The following RASAL2 variants were observed in gnomAD, a reference collection of about 807,000 sequenced individuals.
RASAL2 encodes ras GTPase-activating protein nGAP.
RASAL2 carries 58 observed loss-of-function variants against 128.9 expected under a neutral mutation model. That is an observed-to-expected ratio of 0.45 (90% CI 0.36 to 0.56). The LOEUF (loss-of-function observed/expected upper bound fraction) is 0.56, where lower values mean the gene tolerates loss of function less well. RASAL2 is among the 20% of genes least tolerant of loss of function. The probability of loss-of-function intolerance (pLI) is 0.00; values close to 1 mark genes in which losing one functional copy is unlikely to be tolerated. For synonymous variants in RASAL2, 561 were observed against 580.8 expected (o/e 0.97, Z 0.49); for missense variants, 1,360 against 1,601.6 (o/e 0.85, Z 2.57).
intron 1 of RASAL2, among the ~76,000 whole-genome samples, chr1:178,280,684 A>T (rs1436199627): frequency 6.6e-6 from 1 of 152,100 alleles, no homozygotes; most frequent in African/African-American, 2.4e-5. Context: ...TAATTTTTGT[A>T]ATGAGGCCAG....
chr1:178,416,339 T>A lies in RASAL2; in HGVS notation c.565-4172T>A, dbSNP rs76998815. Among the ~76,000 whole-genome samples, 841 of 152,204 alleles carry A rather than the reference T, an allele frequency of 5.5e-3. 11 individuals carry two copies. Among genetic ancestry groups the A allele is most frequent in the African/African-American group, 0.019 (786 of 41,572 alleles). On this transcript the variant is annotated intron_variant, in intron 4 of 17. Coordinates refer to ENST00000367649, the MANE Select transcript of RASAL2 (RefSeq NM_170692.4). The stretch of plus-strand genomic sequence containing the variant: ...CAACTTCGTAGATAGTATGAGTACC[T>A]TATAATAAAATAATCTTAATTCTTC...
intron 1 of RASAL2, chr1:178,123,295 G>T (rs1346395455): frequency 6.6e-6 from 1 of 152,218 alleles, no homozygotes; most frequent in Non-Finnish European, 1.5e-5. Flanking sequence ...TGAAGGCTGA[G>T]AGAGAACGAG....
chr1:178,358,176 C>T (rs1025425424), intron 3 of RASAL2, among the ~76,000 whole-genome samples: 5 of 131,328 alleles, frequency 3.8e-5, no homozygotes, highest in Non-Finnish European at 6.1e-5. Flanking sequence ...GCGGAGGTTG[C>T]AGTAAGCCGA....
intron 1 of RASAL2, among the ~76,000 whole-genome samples, chr1:178,132,549 T>C (rs1461555292): frequency 6.6e-6 from 1 of 152,192 alleles, no homozygotes; most frequent in African/African-American, 2.4e-5. Flanking sequence ...CCTGTAGTTA[T>C]ACAAAGTAGT....
At chr1:178,218,461 C>T (rs1018277375) in intron 1 of RASAL2, among the ~76,000 whole-genome samples, 12 of 152,144 alleles carry the variant, frequency 7.9e-5, no homozygotes, top group East Asian at 3.9e-4. Flanking sequence ...CCGAGGCGGG[C>T]GGATTACCTG....
chr1:178,364,900 G>T (rs10465514), intron 3 of RASAL2, among the ~76,000 whole-genome samples: 37,906 of 151,962 alleles, frequency 0.25, 7,523 homozygotes, highest in African/African-American at 0.55. Context: ...AGCTGTCACT[G>T]TATTTACTTT....
intron 15 of RASAL2, among the ~76,000 whole-genome samples, chr1:178,464,845 T>TTG (rs1558012358): frequency 3.4e-5 from 5 of 147,596 alleles, no homozygotes; most frequent in African/African-American, 1.3e-4. Context: ...TTTTTTTTTT[T>TTG]TTTTTTTTTT....
chr1:178,332,925 A>T (rs1482455350), intron 3 of RASAL2, among the ~76,000 whole-genome samples: 2 of 151,144 alleles, frequency 1.3e-5, no homozygotes, highest in Non-Finnish European at 3.0e-5. Context: ...TTCTTATACA[A>T]AGATATTCCT....
intron 1 of RASAL2, among the ~76,000 whole-genome samples, chr1:178,218,865 A>G (rs1272574228): frequency 6.6e-6 from 1 of 152,236 alleles, no homozygotes; most frequent in African/African-American, 2.4e-5. Flanking sequence ...TTAGCCCCTA[A>G]CAACAGAGTC....
intron 3 of RASAL2, among the ~76,000 whole-genome samples, chr1:178,379,236 C>G (rs1008050268): frequency 6.6e-6 from 1 of 152,048 alleles, no homozygotes; most frequent in African/African-American, 2.4e-5. Context: ...GAAACAGAGG[C>G]TAGACACAGT....
intron 8 of RASAL2, 129 bp from the exon 9 acceptor site, chr1:178,445,388 TC>T: frequency 9.2e-7 from 1 of 1,091,050 alleles, no homozygotes; most frequent in Non-Finnish European, 1.3e-6. Context: ...TTGCTTTTTT[TC>T]CTTTCAGATG....
intron 8 of RASAL2, among the ~76,000 whole-genome samples, chr1:178,443,809 A>C (rs1452571787): frequency 6.6e-6 from 1 of 152,150 alleles, no homozygotes; most frequent in Non-Finnish European, 1.5e-5. Context: ...AAGGAGAAAT[A>C]TGCTGGTTGT....
intron 1 of RASAL2, among the ~76,000 whole-genome samples, chr1:178,206,772 G>A (rs1173588067): frequency 6.6e-6 from 1 of 151,988 alleles, no homozygotes; most frequent in Non-Finnish European, 1.5e-5. Context: ...TAAAAACAAA[G>A]CAAACAAATG....
chr1:178,397,141 A>G (rs1673288978), intron 4 of RASAL2, among the ~76,000 whole-genome samples: 2 of 152,304 alleles, frequency 1.3e-5, no homozygotes, highest in South Asian at 4.1e-4. Context: ...ACACAAGAAA[A>G]TTGAAAATAT....
chr1:178,418,104 A>C (rs1674890452), intron 4 of RASAL2, among the ~76,000 whole-genome samples: 1 of 152,146 alleles, frequency 6.6e-6, no homozygotes, highest in South Asian at 2.1e-4. Flanking sequence ...AAAATTGTAC[A>C]GTTGACCCTT....
chr1:178,159,929 A>C (rs569857284), intron 1 of RASAL2, among the ~76,000 whole-genome samples: 146 of 152,278 alleles, frequency 9.6e-4, no homozygotes, highest in African/African-American at 3.5e-3. Context: ...ACAAACAAAA[A>C]AAACTACTGT....
chr1:178,270,580 C>T (rs952836378), intron 1 of RASAL2, among the ~76,000 whole-genome samples: 2 of 148,220 alleles, frequency 1.3e-5, no homozygotes, highest in African/African-American at 4.9e-5. Context: ...TTTGTTTTTT[C>T]CCTGTATTGT....
At chr1:178,428,938 G>A (rs2102785561) in intron 5 of RASAL2, among the ~76,000 whole-genome samples, 1 of 152,210 alleles carries the variant, frequency 6.6e-6, no homozygotes, top group African/African-American at 2.4e-5. Flanking sequence ...TGGGGAAGGT[G>A]AAGCAACAAA....
In RASAL2 at chr1:178,243,917, TATC is replaced by T. The variant is rs572247518; in HGVS notation, c.203-39644_203-39642del. Among the ~76,000 whole-genome samples the T allele has an allele frequency of 1.1e-3, 164 of 152,362 alleles. 1 individual carries two copies. Among genetic ancestry groups the T allele is most frequent in the African/African-American group, 3.7e-3 (153 of 41,596 alleles). On this transcript the variant is annotated intron_variant, in intron 1 of 17. Transcript: ENST00000367649. Reference sequence around the variant, plus strand: ...CTTTTTCTTAATCTTTTGTTATTCATATCATTTTCATTTAGAGTGCCTAGCTTG... The same window carrying T: ...CTTTTTCTTAATCTTTTGTTATTCATATTTTCATTTAGAGTGCCTAGCTTG...
Sources: allele counts gnomAD v4.1 joint callset (sites outside exome capture counted in the v4.1 genomes callset), GRCh38; gene constraint gnomAD v4.1.1; transcripts MANE v1.5; gene names NCBI Gene and HGNC (gene_info 2026-07-23, HGNC 2026-07-21).